MTUS2: variants seen among roughly 807,000 people sequenced by gnomAD.
MTUS2 encodes the protein microtubule associated scaffold protein 2, also known as microtubule-associated tumor suppressor candidate 2.
In MTUS2, 40 loss-of-function variants were observed where a neutral mutation model predicts 114.1. The ratio of observed to expected loss-of-function variants is 0.35; its 90% CI spans 0.27 to 0.46. The LOEUF is 0.46. Ranked by LOEUF, MTUS2 falls within the 20% of genes least tolerant of loss-of-function variation. The probability of loss-of-function intolerance (pLI) is 1.00; values close to 1 mark genes in which losing one functional copy is unlikely to be tolerated. For missense variants in MTUS2, 1,679 were observed against 1,705.4 expected (o/e 0.98, Z 0.27); for synonymous variants, 688 against 672.0 (o/e 1.02, Z -0.37).
intron 15 of MTUS2, among the ~76,000 whole-genome samples, chr13:29,501,619 A>G (rs568568950): frequency 1.6e-4 from 24 of 152,262 alleles, no homozygotes; most frequent in African/African-American, 5.8e-4. Context: ...CCAGCTTTCA[A>G]GGAAGGGTGT....
intron 9 of MTUS2, among the ~76,000 whole-genome samples, chr13:29,458,038 C>T (rs1312484958): frequency 6.6e-6 from 1 of 152,304 alleles, no homozygotes; most frequent in East Asian, 1.9e-4. Flanking sequence ...AGGCGTGAGC[C>T]ACTGCACCTG....
intron 5 of MTUS2, among the ~76,000 whole-genome samples, chr13:29,258,130 C>A (rs1897340854): frequency 6.6e-6 from 1 of 152,220 alleles, no homozygotes; most frequent in East Asian, 1.9e-4. Flanking sequence ...TGCTCAGGAT[C>A]TCAAAGGCTG....
At chr13:29,197,466 CATT>C (rs1279458971) in intron 5 of MTUS2, among the ~76,000 whole-genome samples, 1 of 152,106 alleles carries the variant, frequency 6.6e-6, no homozygotes, top group Admixed American at 6.5e-5. Context: ...TCCAGTCTAT[CATT>C]GGTGGGCATT....
chr13:29,236,013 TC>T (rs1328513569), intron 5 of MTUS2, among the ~76,000 whole-genome samples: 1 of 152,224 alleles, frequency 6.6e-6, no homozygotes, highest in Non-Finnish European at 1.5e-5. Flanking sequence ...ATCTCTGTCT[TC>T]CCCTCCTATA....
intron 2 of MTUS2, among the ~76,000 whole-genome samples, chr13:28,876,531 G>T (rs572370712): frequency 6.6e-6 from 1 of 152,156 alleles, no homozygotes; most frequent in Admixed American, 6.5e-5. Context: ...TCAACACACC[G>T]TCTAGAAGAA....
chr13:29,100,726 A>G (rs1593476235), intron 4 of MTUS2, 47 bp from the exon 5 acceptor site: 1 of 1,539,044 alleles, frequency 6.5e-7, no homozygotes, highest in East Asian at 2.4e-5. Flanking sequence ...TCATTATCTC[A>G]TTATGAACTG....
intron 2 of MTUS2, among the ~76,000 whole-genome samples, chr13:28,948,371 A>G (rs753101926): frequency 1.3e-5 from 2 of 152,190 alleles, no homozygotes; most frequent in Non-Finnish European, 2.9e-5. Context: ...TAGAAGTTAC[A>G]GGAGGCATTT....
intron 8 of MTUS2, among the ~76,000 whole-genome samples, chr13:29,427,242 T>C (rs1413628096): frequency 6.6e-6 from 1 of 152,244 alleles, no homozygotes; most frequent in Non-Finnish European, 1.5e-5. Context: ...ATTCCATGAA[T>C]GTGTGAATCT....
At chr13:29,455,478 G>A (rs562496202) in intron 9 of MTUS2, among the ~76,000 whole-genome samples, 125 of 152,234 alleles carry the variant, frequency 8.2e-4, no homozygotes, top group African/African-American at 1.8e-3. Context: ...TCTGTCTAGC[G>A]CGAAAGACAA....
At chr13:28,882,029 A>G (rs182230916) in intron 2 of MTUS2, among the ~76,000 whole-genome samples, 2 of 152,292 alleles carry the variant, frequency 1.3e-5, no homozygotes, top group African/African-American at 4.8e-5. Context: ...TGAGTCTTCA[A>G]TCCTTCCCTC....
chr13:29,279,094 T>G (rs561113478), intron 5 of MTUS2, among the ~76,000 whole-genome samples: 2 of 152,204 alleles, frequency 1.3e-5, no homozygotes, highest in Non-Finnish European at 2.9e-5. Flanking sequence ...CATTAACTTT[T>G]TAAAAAATTT....
rs570305423 is a variant in MTUS2, at chr13:29,080,736, T to A, written c.2447-20037T>A. On this transcript the variant is annotated intron_variant, in intron 4 of 15. Coordinates refer to ENST00000612955, the MANE Select transcript of MTUS2 (RefSeq NM_001033602.4). ...GTTAATCTCTCTCTCTCTCTTTTTC[T>A]TTTTTTGAGACAGAGTTTCACTGTT... Among the ~76,000 whole-genome samples the A allele has an allele frequency of 2.0e-5, 3 of 152,244 alleles. No homozygotes were observed. In the East Asian group the frequency reaches 5.8e-4, roughly 29 times the overall value.
chr13:29,193,964 G>T (rs1894558452), intron 5 of MTUS2, among the ~76,000 whole-genome samples: 1 of 151,918 alleles, frequency 6.6e-6, no homozygotes, highest in Non-Finnish European at 1.5e-5. Context: ...TCTGATCTTT[G>T]ACAAACCTGA....
At chr13:29,103,572 A>G (rs922119190) in intron 5 of MTUS2, among the ~76,000 whole-genome samples, 1 of 152,220 alleles carries the variant, frequency 6.6e-6, no homozygotes, top group African/African-American at 2.4e-5. Context: ...GTTGTGAATG[A>G]ATATGAAGGT....
intron 5 of MTUS2, among the ~76,000 whole-genome samples, chr13:29,161,430 A>T (rs889115495): frequency 6.6e-6 from 1 of 150,544 alleles, no homozygotes; most frequent in Non-Finnish European, 1.5e-5. Context: ...TATATAACAT[A>T]TATTATTATA....
chr13:29,341,461 T>G (rs1326128668), intron 7 of MTUS2, among the ~76,000 whole-genome samples: 8 of 152,222 alleles, frequency 5.3e-5, no homozygotes, highest in Admixed American at 3.9e-4. Context: ...GAATTGTCTA[T>G]TCATGTCTTT....
chr13:28,915,248 A>G (rs1052890027), intron 2 of MTUS2, among the ~76,000 whole-genome samples: 5 of 151,978 alleles, frequency 3.3e-5, no homozygotes, highest in African/African-American at 1.2e-4. Flanking sequence ...GCAGTGCTGC[A>G]AGAAACATAG....
At position 28,922,341 on chromosome 13, in the gene MTUS2, T is replaced by C. The variant is rs74325627; in HGVS notation, c.-243+82491T>C. 3.3e-3 allele frequency among the ~76,000 whole-genome samples: 505 copies of C among 152,268 alleles called. 3 individuals are homozygous for C. Among genetic ancestry groups the C allele is most frequent in the African/African-American group, 0.012 (485 of 41,566 alleles). On this transcript the variant is annotated intron_variant, in intron 2 of 15. Transcript: ENST00000612955. ...AGCAGTTTAAGAACAGACTAATACA[T>C]TGTGTGGCCCTGCCGAGGCCACTGG...
At chr13:29,229,299 T>C (rs1337758373) in intron 5 of MTUS2, among the ~76,000 whole-genome samples, 2 of 152,234 alleles carry the variant, frequency 1.3e-5, no homozygotes, top group Non-Finnish European at 2.9e-5. Flanking sequence ...ATTAGTTTCA[T>C]TGTAAAGTAC....
Sources: allele counts gnomAD v4.1 joint callset (sites outside exome capture counted in the v4.1 genomes callset), GRCh38; gene constraint gnomAD v4.1.1; transcripts MANE v1.5; gene names NCBI Gene and HGNC (gene_info 2026-07-23, HGNC 2026-07-21).